The following TEX11 variants were observed in gnomAD, a reference collection of about 807,000 sequenced individuals.
The protein encoded by TEX11 is testis-expressed protein 11.
TEX11 carries 7 observed loss-of-function variants against 84.4 expected under a neutral mutation model. That is an observed-to-expected ratio of 0.08 (90% CI 0.05 to 0.16). TEX11 has a LOEUF of 0.16. TEX11 is among the 10% of genes least tolerant of loss of function. The pLI is 1.00. For missense variants in TEX11, 551 were observed against 660.5 expected (o/e 0.83, Z 1.82); for synonymous variants, 264 against 222.8 (o/e 1.18, Z -1.64).
intron 4 of TEX11, among the ~76,000 whole-genome samples, chrX:70,869,765 A>G (rs2091620500): frequency 9.1e-6 from 1 of 110,177 alleles, no homozygotes; most frequent in Admixed American, 9.7e-5. Context: ...TGACAGAGCC[A>G]GATCCTGTCT....
At chrX:70,606,734 C>T (rs187399030) in intron 23 of TEX11, among the ~76,000 whole-genome samples, 157 of 111,664 alleles carry the variant, frequency 1.4e-3, no homozygotes, top group African/African-American at 4.8e-3. Context: ...ACTTTAGGCT[C>T]CCTGATGAAT....
At chrX:70,633,994 T>C (rs1315687794) in intron 17 of TEX11, among the ~76,000 whole-genome samples, 1 of 112,117 alleles carries the variant, frequency 8.9e-6, no homozygotes, top group Non-Finnish European at 1.9e-5. Flanking sequence ...GGGAAGGTAC[T>C]GTACTGCAAC....
intron 18 of TEX11, among the ~76,000 whole-genome samples, chrX:70,627,010 C>G: frequency 8.9e-6 from 1 of 111,981 alleles, no homozygotes; most frequent in Non-Finnish European, 1.9e-5. Context: ...AACTGTGTTT[C>G]AAGGAGGAAA....
intron 13 of TEX11, among the ~76,000 whole-genome samples, chrX:70,700,569 C>T: frequency 9.0e-6 from 1 of 111,168 alleles, no homozygotes; most frequent in Middle Eastern, 4.6e-3. Flanking sequence ...CCTTGGGCAC[C>T]CCTATTCCCT....
At chrX:70,717,969 T>C (rs1322503972) in intron 13 of TEX11, among the ~76,000 whole-genome samples, 2 of 112,535 alleles carry the variant, frequency 1.8e-5, no homozygotes, top group African/African-American at 3.2e-5. Flanking sequence ...CCTTTGAAAT[T>C]GATTACTTTG....
At chrX:70,895,403 C>T (rs1183274204) in intron 2 of TEX11, among the ~76,000 whole-genome samples, 1 of 111,846 alleles carries the variant, frequency 8.9e-6, no homozygotes, top group East Asian at 2.8e-4. Context: ...AAATTCCATG[C>T]TCATGGATAA....
chrX:70,654,376 C>G (rs1177631054), intron 16 of TEX11, among the ~76,000 whole-genome samples: 1 of 110,331 alleles, frequency 9.1e-6, no homozygotes, highest in African/African-American at 3.3e-5. Context: ...ACATTGATCC[C>G]GAAGAAGGCA....
chrX:70,706,861 G>A (rs2090382199), intron 13 of TEX11, among the ~76,000 whole-genome samples: 1 of 110,646 alleles, frequency 9.0e-6, no homozygotes, highest in Non-Finnish European at 1.9e-5. Context: ...TCAAATTCTT[G>A]CATATTATTG....
chrX:70,786,665 C>A (rs1261609989), intron 9 of TEX11, among the ~76,000 whole-genome samples: 3 of 111,200 alleles, frequency 2.7e-5, no homozygotes, highest in Non-Finnish European at 5.7e-5. Flanking sequence ...TGCAAATATC[C>A]TCAACAAAAT....
At chrX:70,724,400 G>A in intron 12 of TEX11, 1 of 130,581 alleles carries the variant, frequency 7.7e-6, no homozygotes, top group Middle Eastern at 4.0e-3. Context: ...CTAAATTTAG[G>A]GCTACTGCCA....
intron 2 of TEX11, among the ~76,000 whole-genome samples, chrX:70,890,409 A>T (rs1233406516): frequency 1.8e-5 from 2 of 111,906 alleles, no homozygotes. Flanking sequence ...CAAAAAGGGC[A>T]AGGGGTCACC....
intron 7 of TEX11, among the ~76,000 whole-genome samples, chrX:70,852,391 T>C (rs950870055): frequency 3.6e-5 from 4 of 111,669 alleles, no homozygotes; most frequent in Non-Finnish European, 7.5e-5. Context: ...GGTCTTACTA[T>C]GCTGCCCAGG....
intron 28 of TEX11, 106 bp downstream of exon 28, chrX:70,552,020 A>T (rs1325531247): frequency 1.1e-6 from 1 of 889,179 alleles, no homozygotes; most frequent in East Asian, 3.8e-5. Flanking sequence ...ATATGAATTT[A>T]TCCTAAAACT....
chrX:70,624,123 G>A, intron 19 of TEX11, 117 bp from the exon 20 acceptor site: 2 of 392,758 alleles, frequency 5.1e-6, no homozygotes, highest in South Asian at 2.0e-4. Flanking sequence ...AGAAAAGAGA[G>A]GGTAAAGGGG....
At chrX:70,591,313 C>T (rs1188809587) in intron 25 of TEX11, among the ~76,000 whole-genome samples, 1 of 110,677 alleles carries the variant, frequency 9.0e-6, no homozygotes, top group African/African-American at 3.3e-5. Flanking sequence ...CTTAAAGAAT[C>T]ATCTGGGCTG....
intron 8 of TEX11, among the ~76,000 whole-genome samples, chrX:70,809,927 G>A (rs1040436852): frequency 2.7e-5 from 3 of 111,687 alleles, no homozygotes; most frequent in Non-Finnish European, 3.8e-5. Flanking sequence ...TTTAAACTAT[G>A]TATAGATACA....
chrX:70,812,352 G>A (rs369208481), intron 8 of TEX11, among the ~76,000 whole-genome samples: 2 of 109,988 alleles, frequency 1.8e-5, no homozygotes, highest in East Asian at 2.9e-4. Flanking sequence ...GACTACAGGC[G>A]CACCCACCAC....
At chrX:70,784,585 C>A (rs1011557125) in intron 9 of TEX11, among the ~76,000 whole-genome samples, 1 of 111,588 alleles carries the variant, frequency 9.0e-6, no homozygotes, top group Non-Finnish European at 1.9e-5. Context: ...AAAACCCCAT[C>A]ATCTCTGCCC....
At chrX:70,713,157 G>T (rs2090456810) in intron 13 of TEX11, among the ~76,000 whole-genome samples, 1 of 111,720 alleles carries the variant, frequency 9.0e-6, no homozygotes, top group East Asian at 2.8e-4. Context: ...GATCATGGTG[G>T]AGAAGCTTTT....
Sources: gnomAD v4.1 joint callset for allele counts (sites outside exome capture counted in the v4.1 genomes callset) on GRCh38, gnomAD v4.1.1 for gene constraint, MANE v1.5 for transcripts, NCBI Gene and HGNC (gene_info 2026-07-23, HGNC 2026-07-21) for gene names.